NATD1: variants seen among roughly 807,000 people sequenced by gnomAD.
NATD1 encodes protein NATD1.
A neutral mutation model predicts 12.0 loss-of-function variants in NATD1; 9 were observed. The ratio of observed to expected loss-of-function variants is 0.75; its 90% CI spans 0.45 to 1.30. The LOEUF (loss-of-function observed/expected upper bound fraction) is 1.30. Ranked by LOEUF, NATD1 falls within the 50% of genes most tolerant of loss-of-function variation. NATD1 has a pLI of 0.00. For synonymous variants in NATD1, 71 were observed against 65.9 expected, an observed-to-expected ratio of 1.08 and a Z score of -0.37; for missense variants, 148 against 148.5, an observed-to-expected ratio of 1.00 and a Z score of 0.02.
intron 2 of NATD1, 114 bp from the exon 3 acceptor site, chr17:21,243,543 G>C: frequency 1.4e-6 from 1 of 732,928 alleles, no homozygotes; most frequent in South Asian, 1.7e-5. Flanking sequence ...CTTTGCCCAG[G>C]TCAGTAACTC....
At chr17:21,252,051 C>T (rs1023974525) in intron 1 of NATD1, among the ~76,000 whole-genome samples, 26 of 152,222 alleles carry the variant, frequency 1.7e-4, no homozygotes, top group Admixed American at 1.6e-3. Flanking sequence ...TGGCTCACTC[C>T]TGTAATCCCA....
chr17:21,251,029 C>A (rs1975370242), intron 1 of NATD1, among the ~76,000 whole-genome samples: 1 of 152,188 alleles, frequency 6.6e-6, no homozygotes, highest in Admixed American at 6.5e-5. Context: ...CCAAGACACA[C>A]ACCCAAACCC....
At chr17:21,251,315 A>C (rs1382709369) in intron 1 of NATD1, among the ~76,000 whole-genome samples, 2 of 151,122 alleles carry the variant, frequency 1.3e-5, no homozygotes. Flanking sequence ...AAAAAAACAA[A>C]CGTATCCCCT....
In NATD1 at chr17:21,243,228, G is replaced by T; in HGVS notation, c.*85C>A. On this transcript the variant is annotated 3_prime_UTR_variant, in exon 3 of 3. Coordinates refer to ENST00000611551, the MANE Select transcript of NATD1 (RefSeq NM_152914.3). ...AATAACTCTGAGTCTGTTCCCAGTGGGACCAGGTTCCTGAGAGCACGTGGG... is the reference window on the plus strand; with the variant it reads ...AATAACTCTGAGTCTGTTCCCAGTGTGACCAGGTTCCTGAGAGCACGTGGG... 1 of 1,032,108 alleles carries T rather than the reference G, an allele frequency of 9.7e-7. No individual in the cohort carries two copies. The highest frequency in any genetic ancestry group is 1.4e-6 in the Non-Finnish European group (1 of 690,666). The allele number at this position is 1,032,108 out of a possible 1,614,324, so 63.9% of individuals were successfully genotyped here. A position where few individuals can be genotyped will look rare whatever the true frequency, so the allele number is the denominator to read the frequency against.
Position 21,243,825 on chromosome 17 carries a change from C to G in NATD1, c.225+281G>C, listed in dbSNP as rs540605077. 5.3e-5 allele frequency among the ~76,000 whole-genome samples: 8 copies of G among 152,250 alleles called. No homozygotes were observed. The South Asian group carries it at 1.7e-3, about 32-fold the overall frequency. Reference sequence around the variant, plus strand: ...AAGCCCAAACCTGCTCTCCAGGCAGCCTGGGGTTTGGGATGCCCTGAGGAT... The same window carrying G: ...AAGCCCAAACCTGCTCTCCAGGCAGGCTGGGGTTTGGGATGCCCTGAGGAT... On this transcript the variant is annotated intron_variant, in intron 2 of 2. Transcript: ENST00000611551.
intron 1 of NATD1, among the ~76,000 whole-genome samples, chr17:21,252,280 C>CCA (rs10657185): frequency 0.33 from 50,718 of 151,946 alleles, 8,954 homozygotes; most frequent in African/African-American, 0.43. Flanking sequence ...AACATTGTGT[C>CCA]GCCTGGGCGA....
rs893744069 is a variant in NATD1, at chr17:21,241,532, C to G, written c.*1781G>C. ...CTAGCCCCGGAGCAGCTCAGCCCAC[C>G]TCCTGCCAGCTGCATCTCCCTGGAG... On this transcript the variant is annotated 3_prime_UTR_variant, in exon 3 of 3. Transcript: ENST00000611551. 6 of 152,566 alleles carry G rather than the reference C, an allele frequency of 3.9e-5. No homozygotes were observed. The highest frequency in any genetic ancestry group is 1.2e-4 in the African/African-American group (5 of 41,440). The allele number at this position is 152,566 out of a possible 1,614,324, so 9.5% of individuals were successfully genotyped here.
Position 21,247,292 on chromosome 17 carries a change from C to T in NATD1, c.107-3068G>A, listed in dbSNP as rs192315876. Among the ~76,000 whole-genome samples the T allele has an allele frequency of 6.6e-5, 10 of 152,364 alleles. No individual in the cohort carries two copies. In the East Asian group the frequency reaches 1.7e-3, roughly 26 times the overall value. On this transcript the variant is annotated intron_variant, in intron 1 of 2. Transcript: ENST00000611551. Reference sequence around the variant, plus strand: ...CTGCTTTCTGTCTTTGCCAGACACACACTAGGGCCTTGTGGCAGACCTGTG... The same window carrying T: ...CTGCTTTCTGTCTTTGCCAGACACATACTAGGGCCTTGTGGCAGACCTGTG...
At chr17:21,253,104 G>T in intron 1 of NATD1, 55 bp downstream of exon 1, 1 of 926,664 alleles carries the variant, frequency 1.1e-6, no homozygotes, top group South Asian at 4.8e-5. Context: ...GGGCGGCCCC[G>T]GCGGGCCCCG....
chr17:21,243,546 AGTAACTCC>A (rs1975298307), intron 2 of NATD1, 117 bp from the exon 3 acceptor site: 1 of 718,492 alleles, frequency 1.4e-6, no homozygotes, highest in South Asian at 1.7e-5. Context: ...TGCCCAGGTC[AGTAACTCC>A]CTTGAGTTTC....
At chr17:21,250,017 G>A (rs1975361064) in intron 1 of NATD1, among the ~76,000 whole-genome samples, 1 of 152,156 alleles carries the variant, frequency 6.6e-6, no homozygotes, top group Admixed American at 6.5e-5. Context: ...GCAGTGCCTG[G>A]ACTAGTAAAG....
chr17:21,249,867 T>G (rs75937344), intron 1 of NATD1, among the ~76,000 whole-genome samples: 2,366 of 152,312 alleles, frequency 0.016, 58 homozygotes, highest in African/African-American at 0.054. Flanking sequence ...TATAAAGTAA[T>G]GACAAGCTTG....
intron 1 of NATD1, among the ~76,000 whole-genome samples, chr17:21,249,108 C>T (rs1380974787): frequency 6.6e-6 from 1 of 152,044 alleles, no homozygotes; most frequent in African/African-American, 2.4e-5. Context: ...AGCTTGCAGA[C>T]AGGGGACAGG....
chr17:21,249,485 T>A (rs1160348420), intron 1 of NATD1, among the ~76,000 whole-genome samples: 1 of 152,090 alleles, frequency 6.6e-6, no homozygotes, highest in African/African-American at 2.4e-5. Context: ...AGCGGCCTCA[T>A]ATTGGGGCTG....
chr17:21,247,096 G>A (rs1167124516), intron 1 of NATD1, among the ~76,000 whole-genome samples: 6 of 152,176 alleles, frequency 3.9e-5, no homozygotes, highest in Admixed American at 1.3e-4. Flanking sequence ...CACACCCTGC[G>A]TCAGTGTTTC....
chr17:21,248,077 A>G (rs2144364806), intron 1 of NATD1, among the ~76,000 whole-genome samples: 1 of 152,210 alleles, frequency 6.6e-6, no homozygotes, highest in Non-Finnish European at 1.5e-5. Context: ...ATGTGAGGAA[A>G]AGACCGAGTT....
In NATD1 at chr17:21,244,029, G is replaced by GC; in HGVS notation, c.225+76dup. ...GAAGCAGGCTGAAGTGGCCACCAGG[G>GC]CCACCGTCTCCTCGGAGCGAAGGTG... is the stretch of plus-strand genomic sequence containing the variant. On this transcript the variant is annotated intron_variant, in intron 2 of 2. Coordinates refer to ENST00000611551, the MANE Select transcript of NATD1 (RefSeq NM_152914.3). This position sits in a 1 kb window ranked among gnomAD's most constrained non-coding sequence, Gnocchi z 5.2. 3.7e-6 allele frequency: 5 copies of GC among 1,346,598 alleles called. No individual in the cohort carries two copies. In the East Asian group the frequency reaches 1.2e-4, roughly 32 times the overall value. 83.4% of individuals were successfully genotyped at this position (1,346,598 alleles called of 1,614,324 possible).
Position 21,239,493 on chromosome 17 carries a change from G to GT in NATD1, c.*3819dup. ...GGGACTGCTGTGAAAACGAAGTGGA[G>GT]TAAGATTGCAACGGGGCCTGGTGAG... is the stretch of plus-strand genomic sequence containing the variant. On this transcript the variant is annotated 3_prime_UTR_variant, in exon 3 of 3. Transcript: ENST00000611551. 1 of 152,374 alleles carries GT rather than the reference G, an allele frequency of 6.6e-6. No homozygotes were observed. The highest frequency in any genetic ancestry group is 1.9e-4 in the East Asian group (1 of 5,176). The allele number at this position is 152,374 out of a possible 1,614,324, so 9.4% of individuals were successfully genotyped here.
At chr17:21,250,494 G>A (rs545753995) in intron 1 of NATD1, among the ~76,000 whole-genome samples, 1 of 152,272 alleles carries the variant, frequency 6.6e-6, no homozygotes, top group South Asian at 2.1e-4. Context: ...TCTCTAAACT[G>A]TCAGCCCCAG....
Sources: allele counts gnomAD v4.1 joint callset (sites outside exome capture counted in the v4.1 genomes callset), GRCh38; gene constraint gnomAD v4.1.1; non-coding constraint Gnocchi (gnomAD v3.1); transcripts MANE v1.5; gene names NCBI Gene and HGNC (gene_info 2026-07-23, HGNC 2026-07-21).